The following ATG10 variants were observed in gnomAD, a reference collection of about 807,000 sequenced individuals.
ATG10 encodes the protein ubiquitin-like-conjugating enzyme ATG10.
In ATG10, 30 loss-of-function variants were observed where a neutral mutation model predicts 32.1. That is an observed-to-expected ratio of 0.94 (90% CI 0.70 to 1.27). The LOEUF (loss-of-function observed/expected upper bound fraction) is 1.27, where lower values mean the gene tolerates loss of function less well. Among genes scored for constraint, ATG10 ranks in the 50% most tolerant of loss-of-function variants. ATG10 has a pLI of 0.00. For missense variants in ATG10, 233 were observed against 262.3 expected (o/e 0.89, Z 0.77); for synonymous variants, 87 against 91.5 (o/e 0.95, Z 0.28).
intron 2 of ATG10, among the ~76,000 whole-genome samples, chr5:82,012,280 A>G (rs999460987): frequency 6.6e-6 from 1 of 152,184 alleles, no homozygotes; most frequent in Non-Finnish European, 1.5e-5. Flanking sequence ...GGTTGTTTTT[A>G]ACAATTTTGT....
chr5:82,080,938 T>A (rs1764455821), intron 3 of ATG10, among the ~76,000 whole-genome samples: 1 of 152,232 alleles, frequency 6.6e-6, no homozygotes, highest in South Asian at 2.1e-4. Flanking sequence ...ACTGAATCTA[T>A]AAATTACCTT....
chr5:82,008,110 A>G (rs1227436132), intron 2 of ATG10, among the ~76,000 whole-genome samples: 1 of 152,078 alleles, frequency 6.6e-6, no homozygotes, highest in Non-Finnish European at 1.5e-5. Flanking sequence ...AGATCTTTCC[A>G]TATCTCCTTA....
At chr5:82,004,424 T>C (rs1208549944) in intron 2 of ATG10, among the ~76,000 whole-genome samples, 1 of 152,058 alleles carries the variant, frequency 6.6e-6, no homozygotes, top group African/African-American at 2.4e-5. Context: ...GAATCAGTTA[T>C]AGGAAATCAG....
At chr5:82,078,188 C>T (rs1207826054) in intron 3 of ATG10, among the ~76,000 whole-genome samples, 12 of 152,016 alleles carry the variant, frequency 7.9e-5, no homozygotes, top group Admixed American at 7.9e-4. Flanking sequence ...GGTTAGTTCC[C>T]CTCTTTTTAG....
intron 5 of ATG10, among the ~76,000 whole-genome samples, chr5:82,239,681 G>T (rs989785700): frequency 1.3e-5 from 2 of 151,992 alleles, no homozygotes; most frequent in Non-Finnish European, 2.9e-5. Context: ...TAAATATTGG[G>T]TCAAAAGCTT....
intron 5 of ATG10, among the ~76,000 whole-genome samples, chr5:82,180,062 A>G (rs1013096608): frequency 6.6e-6 from 1 of 151,974 alleles, no homozygotes; most frequent in Non-Finnish European, 1.5e-5. Context: ...ACCTGTAGTC[A>G]TATCTTTTTA....
intron 2 of ATG10, among the ~76,000 whole-genome samples, chr5:82,043,844 A>G (rs1281813717): frequency 6.6e-6 from 1 of 152,168 alleles, no homozygotes; most frequent in Non-Finnish European, 1.5e-5. Flanking sequence ...CATTGTCCAT[A>G]TCACCATCAC....
At chr5:81,998,622 G>A (rs2149680964) in intron 2 of ATG10, among the ~76,000 whole-genome samples, 2 of 152,314 alleles carry the variant, frequency 1.3e-5, no homozygotes, top group Non-Finnish European at 2.9e-5. Flanking sequence ...AGACCCAACT[G>A]TGTGCTGTCT....
intron 5 of ATG10, among the ~76,000 whole-genome samples, chr5:82,230,550 G>A (rs1746320213): frequency 4.0e-5 from 6 of 151,844 alleles, no homozygotes; most frequent in Admixed American, 3.9e-4. Flanking sequence ...TGGCTAACAT[G>A]GTGAAACCCC....
intron 3 of ATG10, among the ~76,000 whole-genome samples, chr5:82,101,918 G>A (rs935267483): frequency 1.3e-5 from 2 of 152,130 alleles, no homozygotes; most frequent in African/African-American, 4.8e-5. Context: ...CAAATGTTCC[G>A]TAAAGTGAAC....
At chr5:82,141,159 C>T (rs1464814375) in intron 3 of ATG10, among the ~76,000 whole-genome samples, 3 of 146,088 alleles carry the variant, frequency 2.1e-5, no homozygotes, top group African/African-American at 7.7e-5. Flanking sequence ...GACCTTCCCT[C>T]CACTATTGTC....
At chr5:82,141,329 T>C (rs922216800) in intron 3 of ATG10, among the ~76,000 whole-genome samples, 2 of 152,182 alleles carry the variant, frequency 1.3e-5, no homozygotes, top group East Asian at 1.9e-4. Flanking sequence ...TTAAAGGATT[T>C]CTTGAACTGA....
At chr5:82,139,890 G>C (rs1302690384) in intron 3 of ATG10, among the ~76,000 whole-genome samples, 2 of 138,026 alleles carry the variant, frequency 1.4e-5, no homozygotes, top group Admixed American at 6.9e-5. Context: ...GGAGGGAGGT[G>C]GGGGGGTCAG....
At chr5:82,190,977 T>C (rs1411808786) in intron 5 of ATG10, among the ~76,000 whole-genome samples, 4 of 152,182 alleles carry the variant, frequency 2.6e-5, no homozygotes, top group Non-Finnish European at 5.9e-5. Context: ...AGAAGTGGAA[T>C]TGGTGAGTCA....
chr5:82,108,736 A>T (rs1023547198), intron 3 of ATG10, among the ~76,000 whole-genome samples: 2 of 152,000 alleles, frequency 1.3e-5, no homozygotes, highest in Non-Finnish European at 2.9e-5. Flanking sequence ...TTACAAAGGT[A>T]TAAAATATTT....
intron 2 of ATG10, among the ~76,000 whole-genome samples, chr5:82,018,844 C>T (rs1249158034): frequency 2.0e-5 from 3 of 152,174 alleles, no homozygotes; most frequent in Non-Finnish European, 4.4e-5. Flanking sequence ...CTCTGGCACT[C>T]CTGCTTCCCT....
chr5:82,140,051 G>A (rs193034764), intron 3 of ATG10, among the ~76,000 whole-genome samples: 7 of 110,028 alleles, frequency 6.4e-5, no homozygotes, highest in African/African-American at 9.7e-5. Flanking sequence ...CAGCCGCCCC[G>A]TCCGGGAGGG....
At chr5:82,195,723 T>A (rs1459576181) in intron 5 of ATG10, among the ~76,000 whole-genome samples, 1 of 152,218 alleles carries the variant, frequency 6.6e-6, no homozygotes, top group Admixed American at 6.5e-5. Flanking sequence ...TTATTCCTTT[T>A]GACAGCTGAG....
Position 82,052,835 on chromosome 5 carries a change from A to G in ATG10, c.109-5660A>G, listed in dbSNP as rs550663763. 2.2e-4 allele frequency among the ~76,000 whole-genome samples: 33 copies of G among 152,306 alleles called. 1 individual carries two copies. The highest frequency in any genetic ancestry group is 2.8e-4 in the Non-Finnish European group (19 of 68,022). ...ACTCATTCATTATTTTTGTGGTTAC[A>G]TACTATCCCATTATTTGGACATAAA... On this transcript the variant is annotated intron_variant, in intron 2 of 7. Transcript: ENST00000282185.
Sources: gnomAD v4.1 joint callset for allele counts (sites outside exome capture counted in the v4.1 genomes callset) on GRCh38, gnomAD v4.1.1 for gene constraint, MANE v1.5 for transcripts, NCBI Gene and HGNC (gene_info 2026-07-23, HGNC 2026-07-21) for gene names.